Variants in C1orf94 observed in about 807,000 individuals in gnomAD.
The protein encoded by C1orf94 is uncharacterized protein C1orf94.
C1orf94 carries 45 observed loss-of-function variants against 53.6 expected under a neutral mutation model. That is an observed-to-expected ratio of 0.84 (90% CI 0.66 to 1.08). The LOEUF is 1.08. Among genes scored for constraint, C1orf94 ranks in the 50% least tolerant of loss-of-function variants. The pLI is 0.00. For synonymous variants in C1orf94, 304 were observed against 296.1 expected (o/e 1.03, Z -0.27); for missense variants, 762 against 738.9 (o/e 1.03, Z -0.36).
intron 1 of C1orf94, among the ~76,000 whole-genome samples, chr1:34,186,711 A>G (rs1426065494): frequency 6.6e-6 from 1 of 152,216 alleles, no homozygotes; most frequent in Non-Finnish European, 1.5e-5. Flanking sequence ...CTTCTTGACC[A>G]TTGGCCAGAG....
At chr1:34,183,970 A>G (rs1425199228) in intron 1 of C1orf94, among the ~76,000 whole-genome samples, 1 of 152,194 alleles carries the variant, frequency 6.6e-6, no homozygotes, top group Non-Finnish European at 1.5e-5. Flanking sequence ...ACATCTTGCA[A>G]AAGGCAGATC....
intron 3 of C1orf94, 142 bp from the exon 4 acceptor site, chr1:34,201,942 T>C (rs1401672661): frequency 1.4e-6 from 1 of 733,458 alleles, no homozygotes; most frequent in Non-Finnish European, 2.2e-6. Context: ...GGAAATGTAC[T>C]AGAACTTTGA....
At chr1:34,194,090 A>G (rs542665056) in intron 1 of C1orf94, among the ~76,000 whole-genome samples, 1 of 152,298 alleles carries the variant, frequency 6.6e-6, no homozygotes, top group South Asian at 2.1e-4. Context: ...GTGGGAATGA[A>G]TGGGGAAGAT....
At position 34,197,800 on chromosome 1, in the gene C1orf94, C is replaced by A. The variant is rs2148617875; in HGVS notation, c.896C>A (p.Ala299Glu). 6.2e-7 allele frequency: 1 copy of A among 1,614,230 alleles called. No individual in the cohort carries two copies. Among genetic ancestry groups the A allele is most frequent in the African/African-American group, 1.3e-5 (1 of 75,064 alleles). The part of the protein sequence containing the change: ...FLLLPPRPPP[A>E]RPDKLPELPA... ...CTGCTGCCTCCCCGACCTCCTCCTG[C>A]ACGTCCTGACAAGCTCCCTGAGCTC... Residue 299 changes from alanine (A) to glutamate (E), a missense_variant, in exon 2 of 7, where the codon GCA (alanine) becomes GAA (glutamate). Transcript: ENST00000488417. The surrounding 1 kb of genome is among the most constrained non-coding windows in gnomAD (Gnocchi z 4.1).
intron 1 of C1orf94, among the ~76,000 whole-genome samples, chr1:34,187,595 A>G (rs1031412352): frequency 2.6e-5 from 4 of 152,124 alleles, no homozygotes; most frequent in Non-Finnish European, 4.4e-5. Context: ...ATTAAAAAAA[A>G]AAAACACCTC....
chr1:34,167,500 G>T (rs1283571922), intron 1 of C1orf94, among the ~76,000 whole-genome samples: 1 of 152,208 alleles, frequency 6.6e-6, no homozygotes, highest in Non-Finnish European at 1.5e-5. Flanking sequence ...TTCTCCCTGG[G>T]GGCTGTGGAG....
Position 34,218,918 on chromosome 1 carries a change from C to A in C1orf94, c.*157C>A. ...GACCAGATTCATCTATTGGCCAACA[C>A]TGACACAAAAATAGCCCTCCTCACA... On this transcript the variant is annotated 3_prime_UTR_variant, in exon 7 of 7. Transcript: ENST00000488417. 2.0e-6 allele frequency: 1 copy of A among 491,572 alleles called. No individual in the cohort carries two copies. The highest frequency in any genetic ancestry group is 3.5e-6 in the Non-Finnish European group (1 of 284,636). The allele number at this position is 491,572 out of a possible 1,614,324, so 30.5% of individuals were successfully genotyped here.
intron 1 of C1orf94, among the ~76,000 whole-genome samples, chr1:34,168,561 G>C (rs984587283): frequency 1.3e-5 from 2 of 152,172 alleles, no homozygotes; most frequent in African/African-American, 4.8e-5. Flanking sequence ...CCACAACAAA[G>C]TACCATAGAC....
At position 34,202,169 on chromosome 1, in the gene C1orf94, C is replaced by T; in HGVS notation, c.1356C>T (p.Thr452=). The change falls in exon 4 of 7, where the codon ACC becomes ACT. Residue 452 remains threonine (T), a synonymous_variant. Coordinates refer to ENST00000488417, the MANE Select transcript of C1orf94 (RefSeq NM_001134734.2). The part of the protein sequence containing the change: ...VFTPHFPTAM[T]SATLNQPLWL... ...CTCCACACTTTCCTACAGCCATGACCTCAGCAACCCTGAACCAGCCACTCT... is the reference window on the plus strand; with the variant it reads ...CTCCACACTTTCCTACAGCCATGACTTCAGCAACCCTGAACCAGCCACTCT... 6.2e-7 allele frequency: 1 copy of T among 1,614,226 alleles called. No homozygotes were observed. Among genetic ancestry groups the T allele is most frequent in the South Asian group, 1.1e-5 (1 of 91,088 alleles).
chr1:34,194,893 A>C (rs1223705544), intron 1 of C1orf94, among the ~76,000 whole-genome samples: 3 of 151,896 alleles, frequency 2.0e-5, no homozygotes, highest in African/African-American at 7.3e-5. Context: ...AACTAGTCTG[A>C]CTCCTGTGAC....
At chr1:34,188,762 T>C (rs1444447748) in intron 1 of C1orf94, among the ~76,000 whole-genome samples, 4 of 152,126 alleles carry the variant, frequency 2.6e-5, no homozygotes, top group Non-Finnish European at 5.9e-5. Context: ...CAAAGCTTTC[T>C]CCAGCCCTAA....
chr1:34,188,300 G>C (rs1380274336), intron 1 of C1orf94, among the ~76,000 whole-genome samples: 2 of 152,170 alleles, frequency 1.3e-5, no homozygotes, highest in Non-Finnish European at 2.9e-5. Flanking sequence ...AGAAAAGTGT[G>C]GAAGGAAGGA....
At position 34,200,888 on chromosome 1, in the gene C1orf94, AC is replaced by A; in HGVS notation, c.1128del (p.Ala377HisfsTer3). 1 of 1,614,170 alleles carries A rather than the reference AC, an allele frequency of 6.2e-7. No individual in the cohort carries two copies. Among genetic ancestry groups the A allele is most frequent in the Non-Finnish European group, 8.5e-7 (1 of 1,180,036 alleles). ...GGAGGGTTGCTGTGACGCAGTGGGC[AC>A]CGCATCACTGACCCTGCCGCCCAAG... ...GEEGCCDAVG[T>X]ASLTLPPKKP... On this transcript the variant is annotated frameshift_variant, in exon 3 of 7. Transcript: ENST00000488417. LOFTEE classifies it high-confidence loss of function.
At chr1:34,214,025 C>T (rs1012054516) in intron 6 of C1orf94, among the ~76,000 whole-genome samples, 3 of 152,172 alleles carry the variant, frequency 2.0e-5, no homozygotes, top group African/African-American at 7.2e-5. Flanking sequence ...ATTTAGCCTG[C>T]AGGGGACCTA....
chr1:34,210,685 C>T (rs112600811), intron 5 of C1orf94, among the ~76,000 whole-genome samples: 3,790 of 151,546 alleles, frequency 0.025, 143 homozygotes, highest in African/African-American at 0.084. Context: ...GACGGAGTCT[C>T]GCTCTGTTGC....
chr1:34,196,789 G>C (rs1392554133), intron 1 of C1orf94, among the ~76,000 whole-genome samples: 1 of 152,108 alleles, frequency 6.6e-6, no homozygotes, highest in Admixed American at 6.5e-5. Flanking sequence ...GGCTTCCCAG[G>C]GCTCAGCCCC....
rs535756723 is a variant in C1orf94, at chr1:34,192,792, T to G, written c.321-4433T>G. Among the ~76,000 whole-genome samples, 11 of 152,080 alleles carry G rather than the reference T, an allele frequency of 7.2e-5. No homozygotes were observed. In the South Asian group the frequency reaches 2.3e-3, roughly 32 times the overall value. ...TGAGGAGGAGCCAGTCAAGGGACAC[T>G]GGGGGGTTGCAGGGAGAAGCATTCC... On this transcript the variant is annotated intron_variant, in intron 1 of 6. Coordinates refer to ENST00000488417, the MANE Select transcript of C1orf94 (RefSeq NM_001134734.2).
At chr1:34,172,317 G>C (rs1642157075), upstream of C1orf94, among the ~76,000 whole-genome samples, 1 of 152,152 alleles carries the variant, frequency 6.6e-6, no homozygotes, top group Non-Finnish European at 1.5e-5. Flanking sequence ...GATCTCATAG[G>C]CTGCCATTTT....
intron 3 of C1orf94, among the ~76,000 whole-genome samples, 192 bp downstream of exon 3, chr1:34,201,224 G>A (rs1642702491): frequency 6.6e-6 from 1 of 152,220 alleles, no homozygotes; most frequent in Admixed American, 6.5e-5. Context: ...TGCTAGAGAA[G>A]TGTAGTTGGC....
Sources: gnomAD v4.1 joint callset for allele counts (sites outside exome capture counted in the v4.1 genomes callset) on GRCh38, gnomAD v4.1.1 for gene constraint, Gnocchi (gnomAD v3.1) non-coding constraint, MANE v1.5 for transcripts, NCBI Gene and HGNC (gene_info 2026-07-23, HGNC 2026-07-21) for gene names.